Variants in DNAI1 observed in about 807,000 individuals in gnomAD.
The protein encoded by DNAI1 is dynein, axonemal, intermediate polypeptide 1.
Under a neutral mutation model 92.0 loss-of-function variants are expected in DNAI1, and 67 were observed. The observed-to-expected ratio is 0.73, with a 90% CI of 0.60 to 0.89. DNAI1 has a LOEUF of 0.89. Ranked by LOEUF, DNAI1 falls within the 40% of genes least tolerant of loss-of-function variation. DNAI1 has a pLI of 0.00. For missense variants in DNAI1, 839 were observed against 866.6 expected (o/e 0.97, Z 0.40); for synonymous variants, 323 against 319.6 (o/e 1.01, Z -0.11).
chr9:34,492,971 G>A (rs1045046079), intron 8 of DNAI1, among the ~76,000 whole-genome samples: 4 of 152,070 alleles, frequency 2.6e-5, no homozygotes, highest in Non-Finnish European at 5.9e-5. Context: ...GGGTTTCAGG[G>A]TATGTAAGCC....
intron 8 of DNAI1, among the ~76,000 whole-genome samples, chr9:34,492,535 T>TATATATATATATATATATA (rs1425684909): frequency 4.0e-4 from 53 of 131,844 alleles, no homozygotes; most frequent in Non-Finnish European, 6.0e-4. Flanking sequence ...TATATATATA[T>TATATATATATATATATATA]TTGAGACAAG....
rs202115133 is a variant in DNAI1 at position 34,480,272 on chromosome 9, CT to C, written c.49-3152del. 3.8e-3 allele frequency among the ~76,000 whole-genome samples: 376 copies of C among 99,362 alleles called. 1 individual carries two copies. The highest frequency in any genetic ancestry group is 0.021 in the Middle Eastern group (3 of 142). 65.2% of individuals were successfully genotyped at this position (99,362 alleles called of 152,430 possible). A position where few individuals can be genotyped will look rare whatever the true frequency, so the allele number is the denominator to read the frequency against. ...ATTTTTGTTGGTTTGTTTGGTGGAA[CT>C]TTTTTTTTTTTTTTTTTTTTTTTGA... On this transcript the variant is annotated intron_variant, in intron 1 of 19. Transcript: ENST00000242317.
rs144879139 is a variant in DNAI1 at position 34,498,347 on chromosome 9, GT to G, written c.901+1150del. On this transcript the variant is annotated intron_variant, in intron 10 of 19. Coordinates refer to ENST00000242317, the MANE Select transcript of DNAI1 (RefSeq NM_012144.4). ...ATAGATGAGAAACTCAGGCTGGGAT[GT>G]TGCCACTTTTTCAAAGTCACAGCTA... Among the ~76,000 whole-genome samples the G allele has an allele frequency of 7.7e-3, 1,175 of 152,368 alleles. 21 individuals are homozygous for G. Among genetic ancestry groups the G allele is most frequent in the Non-Finnish European group, 8.4e-3 (570 of 68,028 alleles).
chr9:34,483,390 T>G, intron 1 of DNAI1, 58 bp from the exon 2 acceptor site: 22 of 1,546,794 alleles, frequency 1.4e-5, no homozygotes, highest in Non-Finnish European at 1.9e-5. Context: ...ATACTGTTTA[T>G]GATATTTCCA....
intron 1 of DNAI1, among the ~76,000 whole-genome samples, chr9:34,483,016 C>T (rs977759292): frequency 3.2e-4 from 48 of 152,352 alleles, no homozygotes; most frequent in African/African-American, 1.1e-3. Flanking sequence ...GGTGCTAAGT[C>T]CCCCATTGCC....
At chr9:34,510,812 C>T (rs1440809750) in intron 13 of DNAI1, among the ~76,000 whole-genome samples, 1 of 152,140 alleles carries the variant, frequency 6.6e-6, no homozygotes, top group Non-Finnish European at 1.5e-5. Context: ...ACCACCTTTA[C>T]ACAGAAGGAG....
intron 2 of DNAI1, 144 bp from the exon 3 acceptor site, chr9:34,484,998 C>A: frequency 1.3e-6 from 1 of 797,678 alleles, no homozygotes; most frequent in Admixed American, 2.0e-5. Context: ...TGGACTCTTT[C>A]ATGAGTGGTA....
chr9:34,507,361 A>T (rs899690630), intron 13 of DNAI1, among the ~76,000 whole-genome samples: 2 of 152,238 alleles, frequency 1.3e-5, no homozygotes, highest in African/African-American at 4.8e-5. Context: ...ATTGTGTGTT[A>T]TGTATATTTT....
intron 18 of DNAI1, 131 bp downstream of exon 18, chr9:34,514,870 T>G: frequency 9.8e-7 from 1 of 1,018,742 alleles, no homozygotes; most frequent in Non-Finnish European, 1.5e-6. Context: ...GGACTGTGTA[T>G]TTTCCAGGGG....
chr9:34,483,027 C>T (rs936623558), intron 1 of DNAI1, among the ~76,000 whole-genome samples: 3 of 152,104 alleles, frequency 2.0e-5, no homozygotes, highest in Admixed American at 6.5e-5. Flanking sequence ...CCCCATTGCC[C>T]GGGGCCAGCA....
At chr9:34,477,533 G>A (rs557898285) in intron 1 of DNAI1, among the ~76,000 whole-genome samples, 1 of 152,304 alleles carries the variant, frequency 6.6e-6, no homozygotes, top group Non-Finnish European at 1.5e-5. Flanking sequence ...CATTAGAGTA[G>A]AGAGAAACTG....
chr9:34,480,310 G>C (rs1164269077), intron 1 of DNAI1, among the ~76,000 whole-genome samples: 1 of 126,042 alleles, frequency 7.9e-6, no homozygotes, highest in South Asian at 2.5e-4. Context: ...ATGGAGTCTC[G>C]CTGTGTCACC....
intron 12 of DNAI1, among the ~76,000 whole-genome samples, chr9:34,506,135 G>A (rs549063271): frequency 2.0e-5 from 3 of 152,316 alleles, no homozygotes; most frequent in African/African-American, 7.2e-5. Flanking sequence ...CTGGGACTGT[G>A]GGGATATGCT....
intron 12 of DNAI1, among the ~76,000 whole-genome samples, chr9:34,501,452 A>T (rs1467386443): frequency 1.3e-5 from 2 of 152,242 alleles, no homozygotes; most frequent in African/African-American, 4.8e-5. Context: ...GCATATGCAA[A>T]GGCTTGGAGG....
At chr9:34,483,407 T>C (rs372365961) in intron 1 of DNAI1, 41 bp from the exon 2 acceptor site, 90 of 1,598,646 alleles carry the variant, frequency 5.6e-5, no homozygotes, top group Admixed American at 2.3e-4. Flanking sequence ...TCCATGTCAA[T>C]TTGCTTATGA....
intron 1 of DNAI1, among the ~76,000 whole-genome samples, chr9:34,468,111 T>C (rs900873016): frequency 1.3e-5 from 2 of 152,058 alleles, no homozygotes; most frequent in Non-Finnish European, 2.9e-5. Flanking sequence ...AAAAAATTCG[T>C]TGGATAGGCC....
Position 34,500,782 on chromosome 9 carries a change from C to T in DNAI1, c.962C>T (p.Pro321Leu), listed in dbSNP as rs775336300. The stretch of plus-strand genomic sequence containing the variant: ...CGGGACCAGGTGGGTACCCTGCTGC[C>T]GCTCTGGAAGTTCCAAAATGACAAA... ...EYRDQVGTLL[P>L]LWKFQNDKAK... Residue 321 changes from proline (P) to leucine (L), a missense_variant, in exon 11 of 20, where the codon CCG becomes CTG. Pro to Leu is a moderately conservative substitution (Grantham distance 98, BLOSUM62 -3). Coordinates refer to ENST00000242317, the MANE Select transcript of DNAI1 (RefSeq NM_012144.4). The T allele has an allele frequency of 1.9e-6, 3 of 1,614,130 alleles. No individual in the cohort carries two copies. Among genetic ancestry groups the T allele is most frequent in the East Asian group, 2.2e-5 (1 of 44,868 alleles).
intron 1 of DNAI1, among the ~76,000 whole-genome samples, chr9:34,463,712 C>T (rs1207890879): frequency 1.3e-5 from 2 of 152,140 alleles, no homozygotes; most frequent in Non-Finnish European, 2.9e-5. Flanking sequence ...CATCATTCTC[C>T]TGTAAAAGCC....
At position 34,512,199 on chromosome 9, in the gene DNAI1, G is replaced by T; in HGVS notation, c.1401+1G>T. 1.2e-6 allele frequency: 2 copies of T among 1,614,156 alleles called. No individual in the cohort carries two copies. The highest frequency in any genetic ancestry group is 1.7e-6 in the Non-Finnish European group (2 of 1,179,994). ...GATTGTGTCTTGGACTCTCGTGAAG[G>T]TGCCTATTTCCCAGAGAGGGTCACA... On this transcript the variant is annotated splice_donor_variant, in intron 14 of 19. Coordinates refer to ENST00000242317, the MANE Select transcript of DNAI1 (RefSeq NM_012144.4). LOFTEE classifies it high-confidence loss of function.
Sources: allele counts gnomAD v4.1 joint callset (sites outside exome capture counted in the v4.1 genomes callset), GRCh38; gene constraint gnomAD v4.1.1; transcripts MANE v1.5; gene names NCBI Gene and HGNC (gene_info 2026-07-23, HGNC 2026-07-21).